The following DST variants were observed in gnomAD, a reference collection of about 807,000 sequenced individuals.
DST encodes the protein dystonin, also known as bullous pemphigoid antigen.
Under a neutral mutation model 875.2 loss-of-function variants are expected in DST, and 253 were observed. That is an observed-to-expected ratio of 0.29 (90% CI 0.26 to 0.32). DST has a LOEUF of 0.32. Among genes scored for constraint, DST ranks in the 10% least tolerant of loss-of-function variants. The pLI, the probability that DST is intolerant of heterozygous loss-of-function variation, is 1.00. For missense variants in DST, 8,287 were observed against 9,111.6 expected, an observed-to-expected ratio of 0.91 and a Z score of 3.68; for synonymous variants, 3,124 against 3,197.1, an observed-to-expected ratio of 0.98 and a Z score of 0.77.
At position 56,482,125 on chromosome 6, in the gene DST, C is replaced by T. The variant is rs780580029; in HGVS notation, c.21456G>A (p.Ala7152=). The part of the protein sequence containing the change: ...VHALLEWLAE[A]EQTLRFHGVL... ...CACCATGGAAACGCAGGGTTTGCTC[C>T]GCCTCAGCCAGCCACTCCAAGAGGG... Residue 7152 remains alanine (A), a synonymous_variant, in exon 90 of 104, where the codon GCG becomes GCA. Transcript: ENST00000680361. The T allele has an allele frequency of 5.5e-5, 88 of 1,613,332 alleles. No homozygotes were observed. Among genetic ancestry groups the T allele is most frequent in the Non-Finnish European group, 6.4e-5 (76 of 1,179,744 alleles).
At chr6:56,682,534 C>T (rs1239172923) in intron 9 of DST, among the ~76,000 whole-genome samples, 3 of 152,128 alleles carry the variant, frequency 2.0e-5, no homozygotes, top group Non-Finnish European at 4.4e-5. Context: ...TTCCCTTCTC[C>T]CTCTGGAGAG....
At chr6:56,902,505 A>G (rs58721182) in intron 2 of DST, among the ~76,000 whole-genome samples, 48,076 of 152,132 alleles carry the variant, frequency 0.32, 8,821 homozygotes, top group African/African-American at 0.51. Flanking sequence ...ATATGAAGAA[A>G]GAGATAATTT....
At chr6:56,662,036 C>A (rs935254263) in intron 10 of DST, among the ~76,000 whole-genome samples, 1 of 152,040 alleles carries the variant, frequency 6.6e-6, no homozygotes, top group Admixed American at 6.5e-5. Context: ...TCATCACGGG[C>A]ACATCTTTAA....
intron 2 of DST, among the ~76,000 whole-genome samples, chr6:56,916,823 C>CACACACACAGAGAG (rs555473872): frequency 7.1e-6 from 1 of 140,696 alleles, no homozygotes; most frequent in African/African-American, 2.7e-5. Flanking sequence ...CACACACACA[C>CACACACACAGAGAG]AGAGAGACAG....
At chr6:56,871,650 G>T in intron 3 of DST, 2 of 735,480 alleles carry the variant, frequency 2.7e-6, no homozygotes, top group South Asian at 2.7e-5. Context: ...TACTGAAAAG[G>T]AACAAATTGT....
At chr6:56,865,967 G>GT (rs113110138) in intron 3 of DST, among the ~76,000 whole-genome samples, 144 of 148,708 alleles carry the variant, frequency 9.7e-4, no homozygotes, top group African/African-American at 2.0e-3. Flanking sequence ...TTAGAGCTAT[G>GT]TTTTTTTTTT....
Position 56,634,174 on chromosome 6 carries a change from G to A in DST, c.3579C>T (p.Leu1193=). The A allele has an allele frequency of 6.2e-7, 1 of 1,613,328 alleles. No homozygotes were observed. The highest frequency in any genetic ancestry group is 8.5e-7 in the Non-Finnish European group (1 of 1,179,818). ...NMKSVVSWHY[L]INEIDRIRAS... ...CTCGAATTCTATCAATTTCATTGAT[G>A]AGATAATGCCAGGATACTACACTCT... is the stretch of plus-strand genomic sequence containing the variant. Residue 1193 remains leucine, a synonymous_variant, in exon 27 of 104, where the codon CTC becomes CTT. Transcript: ENST00000680361.
In DST at chr6:56,605,381, C is replaced by T. The variant is rs866358138; in HGVS notation, c.9247G>A (p.Asp3083Asn). 5.0e-6 allele frequency: 8 copies of T among 1,612,282 alleles called. No individual in the cohort carries two copies. Among genetic ancestry groups the T allele is most frequent in the Middle Eastern group, 1.6e-4 (1 of 6,078 alleles). ...LKLLPGKNTR[D>N]SFKLINSQFP... Reference sequence around the variant, plus strand: ...TGACTATTAATTAACTTGAAACTATCCCTTGTATTTTTACCAGGCAAAAGT... The same window carrying T: ...TGACTATTAATTAACTTGAAACTATTCCTTGTATTTTTACCAGGCAAAAGT... Residue 3083 changes from aspartate (D) to asparagine (N), a missense_variant, in exon 40 of 104, where the codon GAT becomes AAT. Asp to Asn is a conservative substitution (Grantham distance 23, BLOSUM62 1). Around this residue, in one of 10 missense-constraint regions of DST, gnomAD observed 3,138 missense variants for 3,116.6 expected, o/e 1.01. Coordinates refer to ENST00000680361, the MANE Select transcript of DST (RefSeq NM_001374736.1).
rs988975062 is a variant in DST, at chr6:56,459,028, A to G, written c.23434T>C (p.Leu7812=). ...TPQRKSPASK[L]DKSSKR is the part of the protein sequence containing the mutation. ...CACTATCTCTTTGAGGACTTGTCCA[A>G]TTTGCTGGCAGGTGATTTCCTCTGG... The change falls in exon 104 of 104, where the codon TTG becomes CTG. Residue 7812 remains leucine, a synonymous_variant. Transcript: ENST00000680361. 1.2e-6 allele frequency: 2 copies of G among 1,612,070 alleles called. No individual in the cohort carries two copies. Among genetic ancestry groups the G allele is most frequent in the African/African-American group, 2.7e-5 (2 of 74,876 alleles).
chr6:56,873,570 A>G (rs1054307622), intron 3 of DST, among the ~76,000 whole-genome samples: 4 of 152,244 alleles, frequency 2.6e-5, no homozygotes, highest in African/African-American at 9.6e-5. Context: ...ACAGCAACAT[A>G]GACGGAACTG....
chr6:56,786,160 G>A (rs376398878), intron 4 of DST, among the ~76,000 whole-genome samples: 7 of 152,238 alleles, frequency 4.6e-5, no homozygotes, highest in African/African-American at 1.7e-4. Flanking sequence ...TTCATTTGGG[G>A]GGGAGGGGTT....
intron 69 of DST, among the ~76,000 whole-genome samples, chr6:56,525,232 A>G (rs2096776405): frequency 6.6e-6 from 1 of 152,194 alleles, no homozygotes; most frequent in African/African-American, 2.4e-5. Context: ...AATACATTTC[A>G]GTGAAAAAAA....
chr6:56,951,863 T>C (rs1434050768), intron 2 of DST, among the ~76,000 whole-genome samples: 2 of 152,230 alleles, frequency 1.3e-5, no homozygotes, highest in Non-Finnish European at 2.9e-5. Context: ...AGTTGAGATT[T>C]AGCAAATGTT....
At chr6:56,631,081 C>T in intron 30 of DST, 130 bp downstream of exon 30, 1 of 339,596 alleles carries the variant, frequency 2.9e-6, no homozygotes, top group Non-Finnish European at 4.4e-6. Context: ...CCACGCCCAG[C>T]CAATAATGTA....
chr6:56,618,656 G>A (rs770665769), intron 36 of DST: 7 of 1,614,090 alleles, frequency 4.3e-6, no homozygotes, highest in Non-Finnish European at 5.9e-6. Flanking sequence ...ACAAAGCTTA[G>A]CATTTTCTTG....
Position 56,607,837 on chromosome 6 carries a change from G to T in DST, c.6791C>A (p.Ala2264Asp). The T allele has an allele frequency of 6.2e-7, 1 of 1,613,412 alleles. No individual in the cohort carries two copies. Residue 2264 changes from alanine to aspartate, a missense_variant, in exon 40 of 104, where the codon GCT becomes GAT. By Grantham distance (126) the Ala-to-Asp change is moderately radical (BLOSUM62 -2). Around this residue, in one of 10 missense-constraint regions of DST, gnomAD observed 3,138 missense variants for 3,116.6 expected, o/e 1.01. Coordinates refer to ENST00000680361, the MANE Select transcript of DST (RefSeq NM_001374736.1). ...LSSSGVFLNN[A>D]SGREKDECTA... ...ACATTCATCCTTTTCTCTACCTGAA[G>T]CATTATTAAGAAATACACCAGATGA...
chr6:56,545,079 C>T (rs1273143347), intron 61 of DST, among the ~76,000 whole-genome samples: 1 of 152,074 alleles, frequency 6.6e-6, no homozygotes, highest in Non-Finnish European at 1.5e-5. Flanking sequence ...GTGGCATGAT[C>T]ACAGCTCACT....
intron 100 of DST, 47 bp from the exon 101 acceptor site, chr6:56,463,811 G>C: frequency 6.3e-7 from 1 of 1,595,142 alleles, no homozygotes; most frequent in Non-Finnish European, 8.6e-7. Flanking sequence ...AGACGGAAAA[G>C]AAGAGGCGCT....
chr6:56,606,392 T>A lies in DST; in HGVS notation c.8236A>T (p.Ile2746Phe). The A allele has an allele frequency of 6.2e-7, 1 of 1,613,412 alleles. No homozygotes were observed. Among genetic ancestry groups the A allele is most frequent in the East Asian group, 2.2e-5 (1 of 44,872 alleles). The change falls in exon 40 of 104, where the codon ATT becomes TTT. Residue 2746 changes from isoleucine (I) to phenylalanine (F), a missense_variant. This residue lies in a region of DST where 3,138 missense variants were observed against 3,116.6 expected (regional missense o/e 1.01). Transcript: ENST00000680361. Reference sequence around the variant, plus strand: ...GTGAAGCTCTCTTTTCCTCCTACAATATCATAATCAGTCAATGAGTCAGAT... The same window carrying A: ...GTGAAGCTCTCTTTTCCTCCTACAAAATCATAATCAGTCAATGAGTCAGAT... ...DESDSLTDYD[I>F]VGGKESFTAS... is the part of the protein sequence containing the mutation.
Sources: allele counts gnomAD v4.1 joint callset (sites outside exome capture counted in the v4.1 genomes callset), GRCh38; gene constraint gnomAD v4.1.1; regional missense constraint gnomAD v4.1.1; transcripts MANE v1.5; gene names NCBI Gene and HGNC (gene_info 2026-07-23, HGNC 2026-07-21).